KIF16B: variants seen among roughly 807,000 people sequenced by gnomAD.
The protein encoded by KIF16B is kinesin family member 16B, also known as kinesin-like protein KIF16B.
A neutral mutation model predicts 156.3 loss-of-function variants in KIF16B; 98 were observed. That is an observed-to-expected ratio of 0.63 (90% CI 0.53 to 0.74). KIF16B has a LOEUF of 0.74. Among genes scored for constraint, KIF16B ranks in the 30% least tolerant of loss-of-function variants. The pLI, the probability that KIF16B is intolerant of heterozygous loss-of-function variation, is 0.00. For missense variants in KIF16B, 1,421 were observed against 1,606.5 expected (o/e 0.88, Z 1.97); for synonymous variants, 564 against 583.7 (o/e 0.97, Z 0.49).
chr20:16,543,921 A>G (rs1473597020), intron 1 of KIF16B, among the ~76,000 whole-genome samples: 2 of 152,206 alleles, frequency 1.3e-5, no homozygotes, highest in African/African-American at 4.8e-5. Context: ...TAAGCGATCA[A>G]TACTTCAAAG....
intron 12 of KIF16B, among the ~76,000 whole-genome samples, chr20:16,463,203 C>G (rs892690901): frequency 1.3e-5 from 2 of 152,140 alleles, no homozygotes; most frequent in African/African-American, 2.4e-5. Flanking sequence ...CTTTCTTTTG[C>G]CTATTTAACC....
intron 18 of KIF16B, among the ~76,000 whole-genome samples, chr20:16,381,205 C>T (rs184157636): frequency 3.9e-5 from 6 of 152,186 alleles, no homozygotes; most frequent in East Asian, 1.9e-4. Context: ...CCCTGCCCCC[C>T]CATACACAAA....
chr20:16,311,142 CT>C (rs374040743), intron 25 of KIF16B, among the ~76,000 whole-genome samples: 16 of 152,318 alleles, frequency 1.1e-4, no homozygotes, highest in African/African-American at 3.6e-4. Context: ...TCTCTCAGGA[CT>C]TTCCTTATTT....
intron 15 of KIF16B, among the ~76,000 whole-genome samples, chr20:16,412,276 G>A (rs1231660857): frequency 1.3e-5 from 2 of 151,984 alleles, no homozygotes; most frequent in African/African-American, 2.4e-5. Context: ...TGGTGTTAGT[G>A]GGAGCTGATT....
In KIF16B at chr20:16,273,397, G is replaced by T; in HGVS notation, c.3810C>A (p.Asp1270Glu). 1 of 1,614,082 alleles carries T rather than the reference G, an allele frequency of 6.2e-7. No homozygotes were observed. The highest frequency in any genetic ancestry group is 8.5e-7 in the Non-Finnish European group (1 of 1,179,982). The change falls in exon 26 of 26, where the codon GAC (aspartate) becomes GAA (glutamate). Residue 1270 changes from aspartate (D) to glutamate (E), a missense_variant. Physicochemically the swap from Asp to Glu is conservative, Grantham distance 45 (BLOSUM62 2). Transcript: ENST00000354981. ...RRSHLEKYLR[D>E]FFSVMLQSAT... The stretch of plus-strand genomic sequence containing the variant: ...CGGACTGGAGCATCACGCTGAAAAA[G>T]TCCCTGAGGTATTTCTGTGGAAGAG...
chr20:16,550,321 T>G (rs1316844089), intron 1 of KIF16B, among the ~76,000 whole-genome samples: 1 of 151,468 alleles, frequency 6.6e-6, no homozygotes, highest in Non-Finnish European at 1.5e-5. Context: ...CCAGTTAGAA[T>G]GGCAGTCATT....
intron 18 of KIF16B, 79 bp from the exon 19 acceptor site, chr20:16,380,242 A>AGG: frequency 7.7e-7 from 1 of 1,296,920 alleles, no homozygotes; most frequent in South Asian, 2.3e-5. Context: ...TGTTCTGAAA[A>AGG]TGCACATACA....
intron 18 of KIF16B, among the ~76,000 whole-genome samples, chr20:16,380,390 T>C (rs545852431): frequency 1.1e-3 from 163 of 152,382 alleles, no homozygotes; most frequent in Middle Eastern, 3.4e-3. Flanking sequence ...AAGTGGCTTC[T>C]GATATCATTT....
chr20:16,399,894 G>A (rs1036887215), intron 17 of KIF16B, among the ~76,000 whole-genome samples: 6 of 152,170 alleles, frequency 3.9e-5, no homozygotes, highest in Admixed American at 3.9e-4. Context: ...TGTCTCTGTA[G>A]CTCACCCTTC....
At chr20:16,439,115 A>AG (rs543205977) in intron 12 of KIF16B, among the ~76,000 whole-genome samples, 1 of 152,166 alleles carries the variant, frequency 6.6e-6, no homozygotes, top group Non-Finnish European at 1.5e-5. Flanking sequence ...CAAGTGGGTC[A>AG]GCCTAGAAAT....
intron 12 of KIF16B, among the ~76,000 whole-genome samples, chr20:16,431,509 G>T (rs1163390849): frequency 6.6e-6 from 1 of 152,110 alleles, no homozygotes; most frequent in Non-Finnish European, 1.5e-5. Context: ...TACTGCTTTT[G>T]TGGTTGCTGT....
At chr20:16,280,867 T>TGTGTGTGTGTGTGC (rs758721339) in intron 25 of KIF16B, among the ~76,000 whole-genome samples, 2,970 of 150,874 alleles carry the variant, frequency 0.02, 53 homozygotes, top group African/African-American at 0.037. Flanking sequence ...TGTGTGTGTG[T>TGTGTGTGTGTGTGC]GCGCAGAAAA....
chr20:16,432,671 A>G (rs1215943579), intron 12 of KIF16B, among the ~76,000 whole-genome samples: 2 of 152,148 alleles, frequency 1.3e-5, no homozygotes, highest in South Asian at 2.1e-4. Flanking sequence ...GCCTCTGCAG[A>G]TATTTACATT....
intron 23 of KIF16B, among the ~76,000 whole-genome samples, chr20:16,354,674 G>A (rs1471564282): frequency 1.3e-5 from 2 of 152,314 alleles, no homozygotes; most frequent in Non-Finnish European, 2.9e-5. Flanking sequence ...GGCTGGGCGC[G>A]GTGGCTCATG....
At chr20:16,381,070 G>A (rs1332024981) in intron 18 of KIF16B, among the ~76,000 whole-genome samples, 1 of 152,080 alleles carries the variant, frequency 6.6e-6, no homozygotes, top group African/African-American at 2.4e-5. Flanking sequence ...TTTGGTCTAC[G>A]TCTTGGCTGG....
intron 23 of KIF16B, among the ~76,000 whole-genome samples, chr20:16,353,275 C>T (rs750064609): frequency 3.3e-5 from 5 of 151,996 alleles, no homozygotes; most frequent in Non-Finnish European, 5.9e-5. Flanking sequence ...GAAAACAGGG[C>T]CTACGCATGA....
intron 22 of KIF16B, among the ~76,000 whole-genome samples, chr20:16,359,656 A>C (rs1444101439): frequency 2.7e-5 from 2 of 75,078 alleles, no homozygotes; most frequent in Non-Finnish European, 5.1e-5. Flanking sequence ...ATTCTTTACA[A>C]AAAAAAAAAA....
chr20:16,382,892 T>C (rs894106850), intron 17 of KIF16B, among the ~76,000 whole-genome samples: 7 of 152,160 alleles, frequency 4.6e-5, no homozygotes, highest in South Asian at 2.1e-4. Context: ...AAAATCCTGA[T>C]TGGAAACAAT....
At position 16,315,516 on chromosome 20, in the gene KIF16B, A is replaced by G. The variant is rs541381611; in HGVS notation, c.3712-3098T>C. Among the ~76,000 whole-genome samples, 3 of 152,286 alleles carry G rather than the reference A, an allele frequency of 2.0e-5. No homozygotes were observed. The South Asian group carries it at 6.2e-4, about 32-fold the overall frequency. On this transcript the variant is annotated intron_variant, in intron 24 of 25. Coordinates refer to ENST00000354981, the MANE Select transcript of KIF16B (RefSeq NM_024704.5). ...AAGTCTTTGGGGATCTAGGGTAAAG[A>G]TGAAAAAGAGTGATTCCTCCTAAGT...
Sources: gnomAD v4.1 joint callset for allele counts (sites outside exome capture counted in the v4.1 genomes callset) on GRCh38, gnomAD v4.1.1 for gene constraint, MANE v1.5 for transcripts, NCBI Gene and HGNC (gene_info 2026-07-23, HGNC 2026-07-21) for gene names.